COL13A1: variants seen among roughly 807,000 people sequenced by gnomAD.
The protein encoded by COL13A1 is collagen alpha-1(XIII) chain.
COL13A1 carries 89 observed loss-of-function variants against 130.9 expected under a neutral mutation model. The observed-to-expected ratio is 0.68, with a 90% CI of 0.57 to 0.81. The LOEUF (loss-of-function observed/expected upper bound fraction) is 0.81, where lower values mean the gene tolerates loss of function less well. Among genes scored for constraint, COL13A1 ranks in the 30% least tolerant of loss-of-function variants. The pLI, the probability that COL13A1 is intolerant of heterozygous loss-of-function variation, is 0.00. For missense variants in COL13A1, 879 were observed against 934.6 expected (o/e 0.94, Z 0.78); for synonymous variants, 402 against 341.6 (o/e 1.18, Z -1.95).
chr10:69,817,644 G>A (rs866032561), intron 1 of COL13A1, among the ~76,000 whole-genome samples: 4 of 152,098 alleles, frequency 2.6e-5, no homozygotes. Flanking sequence ...ATCTAGCCAG[G>A]CTCGTGGCTT....
chr10:69,813,495 C>T (rs1162920323), intron 1 of COL13A1, among the ~76,000 whole-genome samples: 1 of 152,150 alleles, frequency 6.6e-6, no homozygotes, highest in Admixed American at 6.5e-5. Context: ...CAGAGGGAGA[C>T]AGAGGCAGTA....
In COL13A1 at chr10:69,925,016, C is replaced by T. The variant is rs894925372; in HGVS notation, c.1329+9C>T. The T allele has an allele frequency of 1.3e-6, 2 of 1,574,232 alleles. No homozygotes were observed. Among genetic ancestry groups the T allele is most frequent in the African/African-American group, 2.7e-5 (2 of 73,614 alleles). On this transcript the variant is annotated intron_variant, in intron 25 of 40. Coordinates refer to ENST00000645393, the MANE Select transcript of COL13A1 (RefSeq NM_001368882.1). ...GACCAGATGGCCCCAAGGTATGTGC[C>T]TCTCCCTCCTGGAGTCACAGCGTGA...
At chr10:69,885,285 A>G (rs1042682909) in intron 7 of COL13A1, among the ~76,000 whole-genome samples, 2 of 152,282 alleles carry the variant, frequency 1.3e-5, no homozygotes, top group African/African-American at 4.8e-5. Context: ...TATGACTATC[A>G]AAGAGTTATT....
intron 35 of COL13A1, 59 bp downstream of exon 35, chr10:69,941,082 C>T: frequency 1.2e-6 from 2 of 1,612,352 alleles, no homozygotes; most frequent in Non-Finnish European, 1.7e-6. Context: ...GGCCTGTGAT[C>T]CCTTTTGTCT....
intron 30 of COL13A1, among the ~76,000 whole-genome samples, chr10:69,931,757 C>T (rs1234276797): frequency 6.6e-6 from 1 of 152,200 alleles, no homozygotes; most frequent in African/African-American, 2.4e-5. Flanking sequence ...GCCTCTGGAG[C>T]CATATTTATT....
chr10:69,901,993 C>T (rs1372574612), intron 14 of COL13A1, among the ~76,000 whole-genome samples: 1 of 152,158 alleles, frequency 6.6e-6, no homozygotes. Context: ...CCCTCCCAGG[C>T]CAGGCAGATC....
chr10:69,864,573 A>G (rs1041918901), intron 2 of COL13A1, among the ~76,000 whole-genome samples: 2 of 152,222 alleles, frequency 1.3e-5, no homozygotes, highest in African/African-American at 4.8e-5. Flanking sequence ...TACTTTATTC[A>G]TCTTTAGAGA....
At chr10:69,834,374 G>A (rs188554968) in intron 2 of COL13A1, among the ~76,000 whole-genome samples, 3 of 152,262 alleles carry the variant, frequency 2.0e-5, no homozygotes, top group Admixed American at 2.0e-4. Flanking sequence ...GCAGGTGAGG[G>A]GAGTAACGAG....
At chr10:69,881,417 G>C (rs1451974112) in intron 7 of COL13A1, among the ~76,000 whole-genome samples, 1 of 152,202 alleles carries the variant, frequency 6.6e-6, no homozygotes, top group African/African-American at 2.4e-5. Flanking sequence ...TGCTCAGTGA[G>C]GGGTGGGAGC....
At chr10:69,846,282 C>A (rs149027124) in intron 2 of COL13A1, among the ~76,000 whole-genome samples, 1 of 152,134 alleles carries the variant, frequency 6.6e-6, no homozygotes, top group Admixed American at 6.5e-5. Context: ...ACTGGAGGGG[C>A]TGGGGGAGAG....
chr10:69,925,303 C>CT (rs1297810026), intron 25 of COL13A1, among the ~76,000 whole-genome samples: 4 of 152,196 alleles, frequency 2.6e-5, no homozygotes, highest in African/African-American at 9.7e-5. Context: ...TAAATCGGCA[C>CT]TTTATGTAAG....
At chr10:69,924,805 G>T (rs527341028) in intron 24 of COL13A1, among the ~76,000 whole-genome samples, 158 bp from the exon 25 acceptor site, 3 of 152,048 alleles carry the variant, frequency 2.0e-5, no homozygotes, top group Admixed American at 6.5e-5. Context: ...AGTGTGGGTG[G>T]GTGTTCCCTG....
At chr10:69,945,895 A>G (rs2068446337) in intron 37 of COL13A1, among the ~76,000 whole-genome samples, 171 bp downstream of exon 37, 1 of 152,008 alleles carries the variant, frequency 6.6e-6, no homozygotes, top group Non-Finnish European at 1.5e-5. Flanking sequence ...ACACGGTGAA[A>G]CCCCGTCTTT....
chr10:69,818,054 G>T (rs879361065), intron 1 of COL13A1, among the ~76,000 whole-genome samples: 13 of 152,078 alleles, frequency 8.5e-5, no homozygotes, highest in Admixed American at 8.5e-4. Flanking sequence ...CCCGATTTCC[G>T]GGTCCACCTT....
chr10:69,841,207 C>G (rs1004971338), intron 2 of COL13A1, among the ~76,000 whole-genome samples: 2 of 152,096 alleles, frequency 1.3e-5, no homozygotes, highest in Non-Finnish European at 2.9e-5. Context: ...GTTAACTCTC[C>G]CTTACCCTTC....
intron 25 of COL13A1, among the ~76,000 whole-genome samples, chr10:69,925,241 G>C (rs192687923): frequency 1.3e-5 from 2 of 152,220 alleles, no homozygotes; most frequent in African/African-American, 4.8e-5. Flanking sequence ...ACACTGCAAG[G>C]GAAAAGGAGC....
chr10:69,908,018 G>C (rs1345250264), intron 17 of COL13A1, among the ~76,000 whole-genome samples: 1 of 152,230 alleles, frequency 6.6e-6, no homozygotes, highest in Non-Finnish European at 1.5e-5. Flanking sequence ...TGGCTCATAA[G>C]TGGCAGAGCA....
At position 69,928,947 on chromosome 10, in the gene COL13A1, G is replaced by T. The variant is rs2065746352; in HGVS notation, c.1433G>T (p.Gly478Val). ...TCCTTTCTCTCCTAGGGGCCTCCTG[G>T]TCTTCCTGGGCAAATTGGCCCACCT... Reference protein sequence around the residue: ...IRTLALMGPPGLPGQIGPPGA... With the variant: ...IRTLALMGPPVLPGQIGPPGA... Residue 478 changes from glycine (G) to valine (V), a missense_variant, in exon 28 of 41, where the codon GGT (glycine) becomes GTT (valine). Gly to Val is a moderately radical substitution (Grantham distance 109). Around this residue, in one of 3 missense-constraint regions of COL13A1, gnomAD observed 715 missense variants for 721.0 expected, o/e 0.99. Coordinates refer to ENST00000645393, the MANE Select transcript of COL13A1 (RefSeq NM_001368882.1). The T allele has an allele frequency of 6.2e-7, 1 of 1,613,188 alleles. No homozygotes were observed. Among genetic ancestry groups the T allele is most frequent in the African/African-American group, 1.3e-5 (1 of 74,876 alleles).
chr10:69,944,250 C>G, intron 36 of COL13A1, 72 bp downstream of exon 36: 1 of 1,274,556 alleles, frequency 7.8e-7, no homozygotes, highest in Non-Finnish European at 1.1e-6. Flanking sequence ...CACCAGGGGT[C>G]TCAGCCCTCA....
Sources: allele counts gnomAD v4.1 joint callset (sites outside exome capture counted in the v4.1 genomes callset), GRCh38; gene constraint gnomAD v4.1.1; regional missense constraint gnomAD v4.1.1; transcripts MANE v1.5; gene names NCBI Gene and HGNC (gene_info 2026-07-23, HGNC 2026-07-21).